The following DHX34 variants were observed in gnomAD, a reference collection of about 807,000 sequenced individuals.
The protein encoded by DHX34 is probable ATP-dependent RNA helicase DHX34.
In DHX34, 96 loss-of-function variants were observed where a neutral mutation model predicts 111.1. The observed-to-expected ratio is 0.86, with a 90% CI of 0.73 to 1.02. The LOEUF is 1.02. Among genes scored for constraint, DHX34 ranks in the 50% least tolerant of loss-of-function variants. DHX34 has a pLI of 0.00. For missense variants in DHX34, 1,560 were observed against 1,579.9 expected, an observed-to-expected ratio of 0.99 and a Z score of 0.21; for synonymous variants, 688 against 670.4, an observed-to-expected ratio of 1.03 and a Z score of -0.41.
chr19:47,357,547 C>A (rs927921411), intron 3 of DHX34, among the ~76,000 whole-genome samples: 2 of 152,158 alleles, frequency 1.3e-5, no homozygotes, highest in African/African-American at 2.4e-5. Flanking sequence ...CTACTAGCAT[C>A]TAGTGGGTAG....
At chr19:47,359,861 G>T in intron 4 of DHX34, 107 bp from the exon 5 acceptor site, 1 of 1,577,094 alleles carries the variant, frequency 6.3e-7, no homozygotes, top group Non-Finnish European at 8.6e-7. Flanking sequence ...TCTGAAGGAG[G>T]AAAGGGTTCC....
rs375179960 is a variant in DHX34, at chr19:47,373,710, G to A, written c.2064+10G>A. 123 of 1,611,548 alleles carry A rather than the reference G, an allele frequency of 7.6e-5. No homozygotes were observed. Among genetic ancestry groups the A allele is most frequent in the African/African-American group, 1.1e-4 (8 of 74,882 alleles). On this transcript the variant is annotated intron_variant, in intron 9 of 16. Transcript: ENST00000328771. Reference sequence around the variant, plus strand: ...TCGGCGCCAGTTCAAGGTGAGGCTCGGGAGGAGGGGTAAGGCCGGCCCCAC... The same window carrying A: ...TCGGCGCCAGTTCAAGGTGAGGCTCAGGAGGAGGGGTAAGGCCGGCCCCAC...
Position 47,376,117 on chromosome 19 carries a change from A to T in DHX34, c.2481+20A>T, listed in dbSNP as rs752268670. 3.3e-6 allele frequency: 5 copies of T among 1,532,612 alleles called. No homozygotes were observed. The Admixed American group carries it at 1.1e-4, about 34-fold the overall frequency. The allele number at this position is 1,532,612 out of a possible 1,614,324, so 94.9% of individuals were successfully genotyped here. ...GACCAGGTGGGGCCTGTTCTGCCCC[A>T]TCCTATGTTTTGTCCTCCAACACAC... On this transcript the variant is annotated intron_variant, in intron 11 of 16. Transcript: ENST00000328771.
chr19:47,362,470 A>G lies in DHX34; in HGVS notation c.1376-6A>G. The G allele has an allele frequency of 6.4e-7, 1 of 1,563,626 alleles. No individual in the cohort carries two copies. Among genetic ancestry groups the G allele is most frequent in the Non-Finnish European group, 8.7e-7 (1 of 1,151,972 alleles). On this transcript the variant is annotated splice_region_variant and splice_polypyrimidine_tract_variant and intron_variant, in intron 5 of 16. Coordinates refer to ENST00000328771, the MANE Select transcript of DHX34 (RefSeq NM_014681.6). ...CAGACTCCCTTTCCTCATTGCTCCC[A>G]TCCAGGAAAGGTGAAGGAGATGAGC...
Position 47,352,852 on chromosome 19 carries a change from C to A in DHX34, c.-179C>A. On this transcript the variant is annotated 5_prime_UTR_variant, in exon 2 of 17. It adds an upstream start codon to the 5' untranslated region. Coordinates refer to ENST00000328771, the MANE Select transcript of DHX34 (RefSeq NM_014681.6). ...TTGTGTCACCAGCTCAAGCAGGCCT[C>A]TGGCCACTTTATCATCTGTGGTGGT... 7.4e-7 allele frequency: 1 copy of A among 1,344,028 alleles called. No homozygotes were observed. The highest frequency in any genetic ancestry group is 9.8e-7 in the Non-Finnish European group (1 of 1,018,894). The allele number at this position is 1,344,028 out of a possible 1,614,324, so 83.3% of individuals were successfully genotyped here.
intron 6 of DHX34, among the ~76,000 whole-genome samples, chr19:47,366,626 A>G (rs1357450659): frequency 6.6e-6 from 1 of 150,590 alleles, no homozygotes; most frequent in Non-Finnish European, 1.5e-5. Flanking sequence ...GCCAGGCTGG[A>G]GTGCAGTGCA....
In DHX34 at chr19:47,375,718, A is replaced by G. The variant is rs922067812; in HGVS notation, c.2307+10A>G. On this transcript the variant is annotated intron_variant, in intron 10 of 16. Coordinates refer to ENST00000328771, the MANE Select transcript of DHX34 (RefSeq NM_014681.6). ...TGGCGTGGACATCCAGGTGGGCGCC[A>G]TGGGCTGTGGGGTGTGGGGGTTTAC... is the stretch of plus-strand genomic sequence containing the variant. 14 of 1,563,150 alleles carry G rather than the reference A, an allele frequency of 9.0e-6. No homozygotes were observed. In the South Asian group the frequency reaches 1.3e-4, roughly 14 times the overall value.
chr19:47,365,505 G>A (rs1184101656), intron 6 of DHX34, among the ~76,000 whole-genome samples: 1 of 152,118 alleles, frequency 6.6e-6, no homozygotes, highest in Admixed American at 6.5e-5. Context: ...GCCTGCCTTA[G>A]CCTCCCAAAG....
chr19:47,373,002 GT>G, intron 8 of DHX34, 79 bp downstream of exon 8: 1 of 1,461,460 alleles, frequency 6.8e-7, no homozygotes, highest in East Asian at 2.5e-5. Flanking sequence ...TCCTCCTCGT[GT>G]CCCACCCTCA....
In DHX34 at chr19:47,382,215, T is replaced by C; in HGVS notation, c.*102T>C. On this transcript the variant is annotated 3_prime_UTR_variant, in exon 17 of 17. Transcript: ENST00000328771. ...TGAACCCCCAGCCTGGGCTTAGCCC[T>C]GTGGTCCTGTCCCAGTGCAGAGGGC... The C allele has an allele frequency of 6.6e-7, 1 of 1,521,012 alleles. No homozygotes were observed. The highest frequency in any genetic ancestry group is 8.8e-7 in the Non-Finnish European group (1 of 1,137,934). 94.2% of individuals were successfully genotyped at this position (1,521,012 alleles called of 1,614,324 possible).
intron 4 of DHX34, 143 bp from the exon 5 acceptor site, chr19:47,359,825 G>A (rs997918513): frequency 8.8e-5 from 131 of 1,496,832 alleles, no homozygotes; most frequent in Middle Eastern, 1.9e-4. Flanking sequence ...TGGGGTGGAC[G>A]GTGAGCCATC....
At chr19:47,354,713 C>T (rs1482410713) in intron 2 of DHX34, among the ~76,000 whole-genome samples, 5 of 152,050 alleles carry the variant, frequency 3.3e-5, no homozygotes, top group Non-Finnish European at 4.4e-5. Context: ...TGCAATGGTG[C>T]GATCTTGGCT....
chr19:47,350,195 T>TC (rs1316860209), intron 1 of DHX34, among the ~76,000 whole-genome samples: 20 of 151,782 alleles, frequency 1.3e-4, no homozygotes, highest in African/African-American at 2.9e-4. Context: ...AGAGAGGTGG[T>TC]GATGGAGAGT....
chr19:47,350,690 G>A (rs1485308615), intron 1 of DHX34, among the ~76,000 whole-genome samples: 2 of 152,098 alleles, frequency 1.3e-5, no homozygotes, highest in African/African-American at 4.8e-5. Context: ...AAAGTGCTGG[G>A]ATTATAGGCG....
chr19:47,376,851 A>C, intron 12 of DHX34: 1 of 1,531,996 alleles, frequency 6.5e-7, no homozygotes, highest in Non-Finnish European at 8.7e-7. Flanking sequence ...GTGAGCTCCC[A>C]GGTGGGTCCT....
chr19:47,354,161 C>G (rs1230634692), intron 2 of DHX34, among the ~76,000 whole-genome samples: 2 of 152,166 alleles, frequency 1.3e-5, no homozygotes, highest in African/African-American at 4.8e-5. Context: ...CGGGGTTTCA[C>G]CATGTTGGTC....
intron 8 of DHX34, 44 bp from the exon 9 acceptor site, chr19:47,373,555 C>T: frequency 2.5e-6 from 4 of 1,597,170 alleles, no homozygotes; most frequent in Non-Finnish European, 3.4e-6. Context: ...TCCCTCCCCG[C>T]ACTGGCCAGG....
At chr19:47,379,662 G>C in intron 13 of DHX34, 48 bp from the exon 14 acceptor site, 1 of 1,552,214 alleles carries the variant, frequency 6.4e-7, no homozygotes, top group Non-Finnish European at 8.8e-7. Context: ...CTCCAATAGC[G>C]CCCTGCCCCT....
intron 13 of DHX34, among the ~76,000 whole-genome samples, chr19:47,377,627 G>A (rs1970211499): frequency 7.8e-6 from 1 of 128,042 alleles, no homozygotes; most frequent in African/African-American, 2.9e-5. Flanking sequence ...GGATCTCGGG[G>A]CAGAGTGTTC....
Sources: allele counts gnomAD v4.1 joint callset (sites outside exome capture counted in the v4.1 genomes callset), GRCh38; gene constraint gnomAD v4.1.1; transcripts MANE v1.5; gene names NCBI Gene and HGNC (gene_info 2026-07-23, HGNC 2026-07-21).